The following SEMA4D variants were observed in gnomAD, a reference collection of about 807,000 sequenced individuals.
SEMA4D encodes semaphorin-4D.
A neutral mutation model predicts 74.8 loss-of-function variants in SEMA4D; 22 were observed. The observed-to-expected ratio is 0.29, with a 90% CI of 0.21 to 0.42. The LOEUF is 0.42. Among genes scored for constraint, SEMA4D ranks in the 10% least tolerant of loss-of-function variants. The pLI is 1.00. For synonymous variants in SEMA4D, 445 were observed against 463.7 expected (o/e 0.96, Z 0.52); for missense variants, 937 against 1,118.4 (o/e 0.84, Z 2.31).
chr9:89,441,073 G>A (rs1317667690), intron 2 of SEMA4D, among the ~76,000 whole-genome samples: 1 of 152,240 alleles, frequency 6.6e-6, no homozygotes. Flanking sequence ...TGGGCAAGCT[G>A]CTCCCTCAGC....
chr9:89,395,256 T>C (rs1042738467), intron 6 of SEMA4D, among the ~76,000 whole-genome samples: 1 of 151,962 alleles, frequency 6.6e-6, no homozygotes, highest in East Asian at 1.9e-4. Flanking sequence ...AGAAACCCCA[T>C]CTCTACTAAA....
chr9:89,373,619 C>CAAAGTG (rs1564506578), downstream of SEMA4D, among the ~76,000 whole-genome samples: 1 of 152,232 alleles, frequency 6.6e-6, no homozygotes, highest in Non-Finnish European at 1.5e-5. Context: ...ACTTTGCTAG[C>CAAAGTG]CCTTTAATCA....
intron 2 of SEMA4D, among the ~76,000 whole-genome samples, chr9:89,412,225 TAAGG>T (rs960101769): frequency 3.9e-5 from 6 of 151,988 alleles, no homozygotes; most frequent in African/African-American, 1.5e-4. Flanking sequence ...AGGACAAAGG[TAAGG>T]AGCCAAGAGT....
At chr9:89,452,794 A>G (rs2135464708) in intron 2 of SEMA4D, among the ~76,000 whole-genome samples, 1 of 152,300 alleles carries the variant, frequency 6.6e-6, no homozygotes, top group Middle Eastern at 3.4e-3. Flanking sequence ...CGGCTTGACC[A>G]TGCTTCCTCT....
intron 2 of SEMA4D, among the ~76,000 whole-genome samples, chr9:89,448,623 G>C (rs533365900): frequency 8.5e-5 from 13 of 152,236 alleles, no homozygotes; most frequent in Non-Finnish European, 1.8e-4. Context: ...GTAAAACCAC[G>C]AGGCCTCTGC....
intron 18 of SEMA4D, chr9:89,362,533 C>A: frequency 6.3e-7 from 1 of 1,588,204 alleles, no homozygotes; most frequent in Non-Finnish European, 8.6e-7. Context: ...GCACTCAAGG[C>A]CTCAGCCCCC....
intron 1 of SEMA4D, among the ~76,000 whole-genome samples, chr9:89,483,187 T>C (rs1157146444): frequency 6.6e-6 from 1 of 152,084 alleles, no homozygotes; most frequent in Non-Finnish European, 1.5e-5. Context: ...CCACAGAACA[T>C]CCAGGACGCA....
exon 19 of SEMA4D, chr9:89,362,019 G>A: frequency 2.8e-6 from 1 of 359,944 alleles, no homozygotes. Context: ...GAGTCACTGG[G>A]ACGGTGTAGG....
chr9:89,484,015 C>A lies in SEMA4D; in HGVS notation c.-310+13904G>T, dbSNP rs1208980347. ...CATCTCATTTAATAATCCTACAGTCCCCCAACAACCACTGAGGGACAACCC... is the reference window on the plus strand; with the variant it reads ...CATCTCATTTAATAATCCTACAGTCACCCAACAACCACTGAGGGACAACCC... On this transcript the variant is annotated intron_variant, in intron 1 of 15. Coordinates refer to ENST00000422704, the MANE Select transcript of SEMA4D (RefSeq NM_001371194.2). This position sits in a 1 kb window ranked among gnomAD's most constrained non-coding sequence, Gnocchi z 4.1. 6.6e-6 allele frequency among the ~76,000 whole-genome samples: 1 copy of A among 152,190 alleles called. No homozygotes were observed. Among genetic ancestry groups the A allele is most frequent in the Non-Finnish European group, 1.5e-5 (1 of 68,030 alleles).
At chr9:89,446,237 TGAG>T (rs780608783) in intron 2 of SEMA4D, among the ~76,000 whole-genome samples, 2 of 152,164 alleles carry the variant, frequency 1.3e-5, no homozygotes, top group African/African-American at 4.8e-5. Context: ...CTGCTGCCTC[TGAG>T]AAGAACACTT....
At chr9:89,407,330 G>T (rs1843534462) in intron 2 of SEMA4D, among the ~76,000 whole-genome samples, 1 of 152,180 alleles carries the variant, frequency 6.6e-6, no homozygotes, top group Non-Finnish European at 1.5e-5. Flanking sequence ...TCCTGCTGCT[G>T]CCTGGAACTA....
intron 2 of SEMA4D, among the ~76,000 whole-genome samples, chr9:89,416,759 T>TA (rs1845801554): frequency 6.6e-6 from 1 of 152,310 alleles, no homozygotes; most frequent in South Asian, 2.1e-4. Context: ...ATTGCTTCTG[T>TA]AAAAAAATTT....
At position 89,387,523 on chromosome 9, in the gene SEMA4D, G is replaced by A. The variant is rs1189543411; in HGVS notation, c.1193C>T (p.Pro398Leu). The A allele has an allele frequency of 1.9e-6, 3 of 1,614,116 alleles. No homozygotes were observed. The highest frequency in any genetic ancestry group is 2.5e-6 in the Non-Finnish European group (3 of 1,180,052). Reference protein sequence around the residue: ...DKTLQFVKDHPLMDDSVTPID... With the variant: ...DKTLQFVKDHLLMDDSVTPID... Reference sequence around the variant, plus strand: ...TGGGGTTACCGAGTCATCCATCAAAGGGTGGTCTTTAACGAACTGCAGCGT... The same window carrying A: ...TGGGGTTACCGAGTCATCCATCAAAAGGTGGTCTTTAACGAACTGCAGCGT... The change falls in exon 12 of 16, where the codon CCT becomes CTT. Residue 398 changes from proline to leucine, a missense_variant. Physicochemically the swap from Pro to Leu is moderately conservative, Grantham distance 98. Transcript: ENST00000422704.
intron 2 of SEMA4D, chr9:89,449,626 G>T: frequency 8.3e-7 from 1 of 1,210,010 alleles, no homozygotes. Context: ...ACTATAAGAT[G>T]GGGGGGTGAC....
At position 89,481,202 on chromosome 9, in the gene SEMA4D, G is replaced by A. The variant is rs796615628; in HGVS notation, c.-310+16717C>T. Among the ~76,000 whole-genome samples the A allele has an allele frequency of 1.1e-4, 16 of 152,334 alleles. 1 individual carries two copies. In the East Asian group the frequency reaches 1.9e-3, roughly 18 times the overall value. On this transcript the variant is annotated intron_variant, in intron 1 of 15. Transcript: ENST00000422704. ...ACACCATGTTAGGAATGACAGGGACGTGCCCACCTGGCCTTGGTGAGCAGG... is the reference window on the plus strand; with the variant it reads ...ACACCATGTTAGGAATGACAGGGACATGCCCACCTGGCCTTGGTGAGCAGG...
intron 3 of SEMA4D, 42 bp downstream of exon 3, chr9:89,405,288 GCATCCCAGGCAGTGAGGTCCC>G (rs1843110025): frequency 7.0e-7 from 1 of 1,423,944 alleles, no homozygotes; most frequent in East Asian, 2.3e-5. Context: ...ACCCACCTCA[GCATCCCAGGCAGTGAGGTCCC>G]CATCCCAGGC....
chr9:89,379,562 G>A lies in SEMA4D; in HGVS notation c.1731C>T (p.Ser577=). The A allele has an allele frequency of 6.2e-7, 1 of 1,614,110 alleles. No individual in the cohort carries two copies. Among genetic ancestry groups the A allele is most frequent in the Non-Finnish European group, 8.5e-7 (1 of 1,180,022 alleles). Residue 577 remains serine, a synonymous_variant, in exon 16 of 16, where the codon TCC becomes TCT. Transcript: ENST00000422704. ...AGACCCGGGCCAGGTTGGATTTTTG[G>A]GAGCATTTCAGTTCCGCTGTGCCAC... The part of the protein sequence containing the change: ...KHGGTAELKC[S]QKSNLARVFW...
chr9:89,413,548 T>C (rs936209545), intron 2 of SEMA4D, among the ~76,000 whole-genome samples: 3 of 152,248 alleles, frequency 2.0e-5, no homozygotes, highest in African/African-American at 7.2e-5. Flanking sequence ...CTATCCATGT[T>C]TGTACATTTG....
At chr9:89,437,612 C>T (rs1564785684) in intron 2 of SEMA4D, among the ~76,000 whole-genome samples, 1 of 152,182 alleles carries the variant, frequency 6.6e-6, no homozygotes, top group African/African-American at 2.4e-5. Flanking sequence ...GGGCACCTGC[C>T]CATGTGTGCC....
Sources: allele counts gnomAD v4.1 joint callset (sites outside exome capture counted in the v4.1 genomes callset), GRCh38; gene constraint gnomAD v4.1.1; non-coding constraint Gnocchi (gnomAD v3.1); transcripts MANE v1.5; gene names NCBI Gene and HGNC (gene_info 2026-07-23, HGNC 2026-07-21).